Variants in SNTG1 observed in about 807,000 individuals in gnomAD.
SNTG1 encodes the protein syntrophin gamma 1.
Under a neutral mutation model 74.7 loss-of-function variants are expected in SNTG1, and 39 were observed. The observed-to-expected ratio is 0.52, with a 90% CI of 0.40 to 0.68. SNTG1 has a LOEUF of 0.68. SNTG1 is among the 30% of genes least tolerant of loss of function. The pLI is 0.00. For missense variants in SNTG1, 685 were observed against 609.5 expected (o/e 1.12, Z -1.30); for synonymous variants, 254 against 217.1 (o/e 1.17, Z -1.49).
chr8:50,371,934 C>G (rs2092278511), intron 2 of SNTG1, among the ~76,000 whole-genome samples: 1 of 152,094 alleles, frequency 6.6e-6, no homozygotes, highest in East Asian at 1.9e-4. Flanking sequence ...AATAAATCTC[C>G]TGTAGACGGC....
intron 2 of SNTG1, among the ~76,000 whole-genome samples, chr8:50,251,825 G>T (rs2086659352): frequency 6.6e-6 from 1 of 152,036 alleles, no homozygotes; most frequent in East Asian, 1.9e-4. Context: ...CATTAATAAA[G>T]AAACAACAGA....
chr8:50,005,265 A>G (rs1036747595), intron 1 of SNTG1, among the ~76,000 whole-genome samples: 2 of 152,244 alleles, frequency 1.3e-5, no homozygotes, highest in African/African-American at 2.4e-5. Flanking sequence ...AGAGTGTTAT[A>G]CAAATAAAAA....
At chr8:50,776,448 C>A (rs1320987005) in intron 18 of SNTG1, among the ~76,000 whole-genome samples, 1 of 146,298 alleles carries the variant, frequency 6.8e-6, no homozygotes, top group African/African-American at 2.5e-5. Context: ...TATATTTAAG[C>A]ATATATTAAC....
intron 9 of SNTG1, among the ~76,000 whole-genome samples, chr8:50,523,608 C>T (rs1233655274): frequency 6.6e-6 from 1 of 152,158 alleles, no homozygotes; most frequent in East Asian, 1.9e-4. Flanking sequence ...AACATTTATT[C>T]ATTAAGTTCC....
intron 17 of SNTG1, among the ~76,000 whole-genome samples, chr8:50,712,314 A>G (rs1168863970): frequency 6.6e-6 from 1 of 152,166 alleles, no homozygotes; most frequent in African/African-American, 2.4e-5. Flanking sequence ...GGTCCAGTTA[A>G]GAAATTGGAA....
chr8:50,175,006 T>C (rs1390580600), intron 2 of SNTG1, among the ~76,000 whole-genome samples: 1 of 152,034 alleles, frequency 6.6e-6, no homozygotes, highest in Non-Finnish European at 1.5e-5. Context: ...AATGATGGTT[T>C]CCATCTTCAT....
chr8:50,176,234 C>A (rs1437014485), intron 2 of SNTG1, among the ~76,000 whole-genome samples: 5 of 152,150 alleles, frequency 3.3e-5, no homozygotes, highest in Admixed American at 3.3e-4. Context: ...CAAGTTGCAG[C>A]TGCTGACAGG....
At chr8:50,775,261 A>G (rs1340244799) in intron 18 of SNTG1, among the ~76,000 whole-genome samples, 2 of 151,568 alleles carry the variant, frequency 1.3e-5, no homozygotes, top group African/African-American at 4.8e-5. Context: ...AAGGTACTCT[A>G]GTGTATATAT....
chr8:50,777,440 G>T (rs934625699), intron 18 of SNTG1, among the ~76,000 whole-genome samples: 2 of 150,088 alleles, frequency 1.3e-5, no homozygotes, highest in Non-Finnish European at 3.0e-5. Context: ...ATATTTATCA[G>T]TTCTAAAATT....
chr8:49,938,603 T>TTTTCTTTTCTTTTCTTTTC, intron 1 of SNTG1, among the ~76,000 whole-genome samples: 170 of 74,614 alleles, frequency 2.3e-3, no homozygotes, highest in Middle Eastern at 6.5e-3. Flanking sequence ...TTTTCTTTTC[T>TTTTCTTTTCTTTTCTTTTC]TTTCTTTCTT....
intron 2 of SNTG1, among the ~76,000 whole-genome samples, chr8:50,260,514 C>CACAA (rs2087130708): frequency 7.1e-6 from 1 of 141,564 alleles, no homozygotes; most frequent in Non-Finnish European, 1.6e-5. Context: ...GCTTTTAACA[C>CACAA]ACACACACAC....
intron 4 of SNTG1, among the ~76,000 whole-genome samples, chr8:50,425,133 C>CT (rs2093145214): frequency 6.6e-6 from 1 of 152,048 alleles, no homozygotes; most frequent in Non-Finnish European, 1.5e-5. Context: ...AGATTTGCGT[C>CT]CGGGCAGGTG....
intron 4 of SNTG1, among the ~76,000 whole-genome samples, chr8:50,416,214 T>A (rs181875286): frequency 6.6e-6 from 1 of 152,298 alleles, no homozygotes; most frequent in East Asian, 1.9e-4. Context: ...TCAGTGATAA[T>A]CTGTGGTTTG....
At chr8:50,782,142 T>A (rs2095661536) in intron 18 of SNTG1, among the ~76,000 whole-genome samples, 1 of 152,206 alleles carries the variant, frequency 6.6e-6, no homozygotes, top group Non-Finnish European at 1.5e-5. Flanking sequence ...ATAACATTTT[T>A]TCCTTCATTT....
intron 9 of SNTG1, among the ~76,000 whole-genome samples, chr8:50,516,873 AAGATATT>A (rs2094137981): frequency 1.3e-5 from 2 of 152,354 alleles, no homozygotes; most frequent in South Asian, 4.1e-4. Flanking sequence ...ATCACTCTTC[AAGATATT>A]ATCCAGGAGA....
At chr8:50,112,515 C>CTT (rs34942560) in intron 1 of SNTG1, among the ~76,000 whole-genome samples, 3,086 of 77,536 alleles carry the variant, frequency 0.04, 269 homozygotes, top group Non-Finnish European at 0.041. Flanking sequence ...TTAGTTCTTT[C>CTT]TTTTTTTTTT....
intron 13 of SNTG1, among the ~76,000 whole-genome samples, chr8:50,617,982 G>A (rs756798582): frequency 2.0e-5 from 3 of 151,892 alleles, no homozygotes; most frequent in Non-Finnish European, 4.4e-5. Flanking sequence ...TATGAGGGGT[G>A]GTCTCCTCCC....
chr8:50,480,411 T>C (rs976541348), intron 8 of SNTG1, among the ~76,000 whole-genome samples: 2 of 152,194 alleles, frequency 1.3e-5, no homozygotes, highest in Admixed American at 6.5e-5. Flanking sequence ...AGGAGAAATA[T>C]GTGTAAGGCC....
chr8:50,414,362 C>T (rs1038330812), intron 4 of SNTG1, among the ~76,000 whole-genome samples: 3 of 152,120 alleles, frequency 2.0e-5, no homozygotes, highest in Non-Finnish European at 2.9e-5. Context: ...ATTCCTTCAT[C>T]CAGATCTGAG....
Sources: allele counts gnomAD v4.1 joint callset (sites outside exome capture counted in the v4.1 genomes callset), GRCh38; gene constraint gnomAD v4.1.1; transcripts MANE v1.5; gene names NCBI Gene and HGNC (gene_info 2026-07-23, HGNC 2026-07-21).